Variants in C9orf43 observed in about 807,000 individuals in gnomAD.
C9orf43 encodes chromosome 9 open reading frame 43, also known as uncharacterized protein C9orf43.
C9orf43 carries 45 observed loss-of-function variants against 59.1 expected under a neutral mutation model. The ratio of observed to expected loss-of-function variants is 0.76; its 90% CI spans 0.60 to 0.98. The LOEUF is 0.98. Among genes scored for constraint, C9orf43 ranks in the 50% least tolerant of loss-of-function variants. C9orf43 has a pLI of 0.00. For synonymous variants in C9orf43, 203 were observed against 196.8 expected, an observed-to-expected ratio of 1.03 and a Z score of -0.26; for missense variants, 533 against 554.9, an observed-to-expected ratio of 0.96 and a Z score of 0.40.
rs1828249383 is a variant in C9orf43 at position 113,413,570 on chromosome 9, C to CA, written c.79dup (p.Thr27AsnfsTer6). Reference sequence around the variant, plus strand: ...GTTTGTCAGCACCCACAATGCTGGGCAACTATCCGCCGCATTGAGAGGGGC... The same window carrying CA: ...GTTTGTCAGCACCCACAATGCTGGGCAAACTATCCGCCGCATTGAGAGGGGC... On this transcript the variant is annotated frameshift_variant, in exon 2 of 14. Coordinates refer to ENST00000374165, the MANE Select transcript of C9orf43 (RefSeq NM_001278629.2). LOFTEE classifies it high-confidence loss of function. The CA allele has an allele frequency of 7.4e-6, 12 of 1,614,210 alleles. No homozygotes were observed. Among genetic ancestry groups the CA allele is most frequent in the Non-Finnish European group, 1.0e-5 (12 of 1,180,040 alleles).
At position 113,410,988 on chromosome 9, in the gene C9orf43, C is replaced by G. The variant is rs1189629695; in HGVS notation, c.-63C>G. On this transcript the variant is annotated 5_prime_UTR_variant, in exon 1 of 14. Transcript: ENST00000374165. The stretch of plus-strand genomic sequence containing the variant: ...ATTTTTAATCTTTTCGCCCCTCACG[C>G]TTTTGTAATAATGGTACTAAGACTG... 3.0e-6 allele frequency: 3 copies of G among 986,210 alleles called. No homozygotes were observed. The highest frequency in any genetic ancestry group is 3.6e-6 in the Non-Finnish European group (3 of 830,456). 61.1% of individuals were successfully genotyped at this position (986,210 alleles called of 1,614,324 possible). A position where few individuals can be genotyped will look rare whatever the true frequency, so the allele number is the denominator to read the frequency against.
At chr9:113,428,350 C>G (rs1346645948) in intron 12 of C9orf43, 127 bp downstream of exon 12, 2 of 951,168 alleles carry the variant, frequency 2.1e-6, no homozygotes, top group Non-Finnish European at 3.3e-6. Context: ...GACAGTTGTT[C>G]TTCTCCTGCT....
intron 3 of C9orf43, among the ~76,000 whole-genome samples, chr9:113,416,847 C>G (rs1828377851): frequency 6.6e-6 from 1 of 152,182 alleles, no homozygotes; most frequent in East Asian, 1.9e-4. Flanking sequence ...AGAAATGCCT[C>G]CAGACATTAC....
chr9:113,418,018 G>A (rs911892909), intron 3 of C9orf43, among the ~76,000 whole-genome samples: 2 of 152,104 alleles, frequency 1.3e-5, no homozygotes, highest in African/African-American at 4.8e-5. Flanking sequence ...AAGAAAAATA[G>A]CAAGTGATAT....
chr9:113,429,570 C>T lies in C9orf43; in HGVS notation c.*184C>T, dbSNP rs1453410410. The stretch of plus-strand genomic sequence containing the variant: ...GGGATTCCATTTTCTTTGTTCACCT[C>T]TACTTGCCTCTAAAATAAATGTAGG... On this transcript the variant is annotated 3_prime_UTR_variant, in exon 14 of 14. Transcript: ENST00000374165. 1 of 551,642 alleles carries T rather than the reference C, an allele frequency of 1.8e-6. No individual in the cohort carries two copies. The highest frequency in any genetic ancestry group is 3.2e-6 in the Non-Finnish European group (1 of 312,282). 34.2% of individuals were successfully genotyped at this position (551,642 alleles called of 1,614,324 possible).
chr9:113,414,820 C>T (rs140713982), intron 3 of C9orf43, among the ~76,000 whole-genome samples: 2 of 152,252 alleles, frequency 1.3e-5, no homozygotes, highest in Admixed American at 6.5e-5. Context: ...TCTGTATGTA[C>T]GGACAGAAAA....
In C9orf43 at chr9:113,423,371, A is replaced by G; in HGVS notation, c.529A>G (p.Thr177Ala). The G allele has an allele frequency of 6.2e-7, 1 of 1,614,158 alleles. No individual in the cohort carries two copies. Among genetic ancestry groups the G allele is most frequent in the South Asian group, 1.1e-5 (1 of 91,080 alleles). Reference protein sequence around the residue: ...LGLSGNQSAGTRVGTPGMIVP... With the variant: ...LGLSGNQSAGARVGTPGMIVP... Reference sequence around the variant, plus strand: ...TCTCTCTGGAAATCAGTCCGCAGGAACACGAGTAGGAACACCAGGGATGAT... The same window carrying G: ...TCTCTCTGGAAATCAGTCCGCAGGAGCACGAGTAGGAACACCAGGGATGAT... The change falls in exon 7 of 14, where the codon ACA (threonine) becomes GCA (alanine). Residue 177 changes from threonine to alanine, a missense_variant. By Grantham distance (58) the Thr-to-Ala change is moderately conservative (BLOSUM62 0). Transcript: ENST00000374165.
intron 10 of C9orf43, 73 bp downstream of exon 10, chr9:113,425,493 G>A: frequency 6.5e-7 from 1 of 1,535,392 alleles, no homozygotes; most frequent in Non-Finnish European, 8.8e-7. Flanking sequence ...ATGTATGAAA[G>A]GTGGGGGTCT....
At chr9:113,421,681 A>T (rs140561741) in intron 5 of C9orf43, among the ~76,000 whole-genome samples, 1 of 152,284 alleles carries the variant, frequency 6.6e-6, no homozygotes, top group East Asian at 1.9e-4. Flanking sequence ...ATTGACAACC[A>T]TGGGGAAAGT....
chr9:113,411,108 T>G (rs1588096539), intron 1 of C9orf43, 107 bp downstream of exon 1: 1 of 985,372 alleles, frequency 1.0e-6, no homozygotes, highest in East Asian at 1.1e-4. Flanking sequence ...TGCGCCTGAT[T>G]AGGTCTCAGG....
At chr9:113,414,441 ATTTTTTTTTT>A (rs770355833) in intron 3 of C9orf43, among the ~76,000 whole-genome samples, 1 of 140,024 alleles carries the variant, frequency 7.1e-6, no homozygotes, top group African/African-American at 2.6e-5. Context: ...CGCCTGGTTA[ATTTTTTTTTT>A]TTTTTTTACT....
intron 6 of C9orf43, 72 bp from the exon 7 acceptor site, chr9:113,423,253 GC>G (rs1828653347): frequency 6.8e-7 from 1 of 1,472,796 alleles, no homozygotes; most frequent in Admixed American, 1.9e-5. Context: ...GTGTTGAGAG[GC>G]TAGAATGTTG....
chr9:113,424,403 C>T, intron 8 of C9orf43, 87 bp downstream of exon 8: 1 of 1,385,812 alleles, frequency 7.2e-7, no homozygotes, highest in Non-Finnish European at 9.8e-7. Context: ...ACATTCTATT[C>T]CTTATCTCCC....
intron 13 of C9orf43, 53 bp from the exon 14 acceptor site, chr9:113,429,119 G>C: frequency 6.4e-7 from 1 of 1,572,854 alleles, no homozygotes; most frequent in African/African-American, 1.4e-5. Context: ...TCCTCCATTT[G>C]TTGTAGTTGA....
rs754752242 is a variant in C9orf43, at chr9:113,429,266, C to A, written c.1266C>A (p.Ile422=). Residue 422 remains isoleucine, a synonymous_variant, in exon 14 of 14, where the codon ATC becomes ATA. Transcript: ENST00000374165. ...CCCAGGCTGCCAGGCAAAAGAAGAT[C>A]TCCTTTAACTTTTCAGAAATTATGG... ...PEAQAARQKK[I]SFNFSEIMAS... 1.9e-6 allele frequency: 3 copies of A among 1,614,080 alleles called. No homozygotes were observed. In the East Asian group the frequency reaches 6.7e-5, roughly 36 times the overall value.
At chr9:113,417,494 C>T (rs1274106692) in intron 3 of C9orf43, among the ~76,000 whole-genome samples, 1 of 152,234 alleles carries the variant, frequency 6.6e-6, no homozygotes, top group African/African-American at 2.4e-5. Context: ...CCTCAAGGGA[C>T]TTTCAGCCTA....
intron 4 of C9orf43, among the ~76,000 whole-genome samples, chr9:113,420,036 C>G (rs1033747575): frequency 2.0e-5 from 3 of 152,108 alleles, no homozygotes; most frequent in African/African-American, 7.2e-5. Context: ...TGACTAATCA[C>G]TTTACCTCTT....
rs765176820 is a variant in C9orf43, at chr9:113,423,536, C to G, written c.656+38C>G. On this transcript the variant is annotated intron_variant, in intron 7 of 13. Transcript: ENST00000374165. ...TAGGTCTGTGGGAGAGCCAGAGCACCTGCTTTTTACTGAAGCTGGGATGGG... is the reference window on the plus strand; with the variant it reads ...TAGGTCTGTGGGAGAGCCAGAGCACGTGCTTTTTACTGAAGCTGGGATGGG... 7 of 1,584,838 alleles carry G rather than the reference C, an allele frequency of 4.4e-6. No homozygotes were observed. The Admixed American group carries it at 1.2e-4, about 27-fold the overall frequency.
chr9:113,423,254 C>A, intron 6 of C9orf43, 72 bp from the exon 7 acceptor site: 2 of 1,481,524 alleles, frequency 1.3e-6, no homozygotes, highest in Non-Finnish European at 1.8e-6. Flanking sequence ...TGTTGAGAGG[C>A]TAGAATGTTG....
Sources: allele counts gnomAD v4.1 joint callset (sites outside exome capture counted in the v4.1 genomes callset), GRCh38; gene constraint gnomAD v4.1.1; transcripts MANE v1.5; gene names NCBI Gene and HGNC (gene_info 2026-07-23, HGNC 2026-07-21).